The following ZMAT4 variants were observed in gnomAD, a reference collection of about 807,000 sequenced individuals.
ZMAT4 encodes zinc finger matrin-type protein 4.
Under a neutral mutation model 28.7 loss-of-function variants are expected in ZMAT4, and 17 were observed. The ratio of observed to expected loss-of-function variants is 0.59; its 90% CI spans 0.41 to 0.89. ZMAT4 has a LOEUF of 0.89. ZMAT4 is among the 40% of genes least tolerant of loss of function. ZMAT4 has a pLI of 0.00. For synonymous variants in ZMAT4, 117 were observed against 109.2 expected (o/e 1.07, Z -0.44); for missense variants, 240 against 283.8 (o/e 0.85, Z 1.11).
intron 2 of ZMAT4, among the ~76,000 whole-genome samples, chr8:40,780,488 C>T (rs1170979289): frequency 6.6e-6 from 1 of 152,176 alleles, no homozygotes; most frequent in Non-Finnish European, 1.5e-5. Flanking sequence ...ATATCAAATC[C>T]CTTGCTCAAT....
intron 5 of ZMAT4, among the ~76,000 whole-genome samples, chr8:40,656,259 T>C (rs778187637): frequency 5.3e-5 from 8 of 152,136 alleles, no homozygotes; most frequent in Non-Finnish European, 1.2e-4. Flanking sequence ...TACTATGTCA[T>C]ATTCTAGGAT....
Position 40,764,289 on chromosome 8 carries a change from G to A in ZMAT4, c.192+3352C>T, listed in dbSNP as rs187012793. ...GAAAAAAAATGTAAGATCCGAGTAA[G>A]GATTCTAAAGATAAAAGCATGTGAA... On this transcript the variant is annotated intron_variant, in intron 3 of 6. Transcript: ENST00000297737. 1.7e-3 allele frequency among the ~76,000 whole-genome samples: 259 copies of A among 152,230 alleles called. 1 individual carries two copies. The highest frequency in any genetic ancestry group is 2.8e-3 in the Non-Finnish European group (191 of 68,000).
intron 6 of ZMAT4, among the ~76,000 whole-genome samples, chr8:40,544,274 T>G (rs1394291561): frequency 6.6e-5 from 10 of 152,170 alleles, no homozygotes; most frequent in Admixed American, 6.5e-4. Context: ...ACCTGATAAT[T>G]TTGAAAAGTC....
At chr8:40,667,573 A>C (rs1402766435) in intron 5 of ZMAT4, among the ~76,000 whole-genome samples, 1 of 152,100 alleles carries the variant, frequency 6.6e-6, no homozygotes. Context: ...CTCCCCAGTA[A>C]ATTGTGTACT....
At chr8:40,662,118 A>G (rs1226144340) in intron 5 of ZMAT4, among the ~76,000 whole-genome samples, 2 of 150,512 alleles carry the variant, frequency 1.3e-5, no homozygotes, top group African/African-American at 2.4e-5. Context: ...CTGGGACCAC[A>G]GGTGTGCACC....
intron 5 of ZMAT4, among the ~76,000 whole-genome samples, chr8:40,620,695 T>G (rs1806166039): frequency 6.6e-6 from 1 of 152,194 alleles, no homozygotes; most frequent in South Asian, 2.1e-4. Flanking sequence ...GGTCATTTGG[T>G]TTCCTATTGC....
At chr8:40,675,207 A>T (rs1384824454) in intron 4 of ZMAT4, among the ~76,000 whole-genome samples, 1 of 152,200 alleles carries the variant, frequency 6.6e-6, no homozygotes, top group Non-Finnish European at 1.5e-5. Context: ...TAAGATTTTT[A>T]AAAATAAATT....
chr8:40,879,632 A>T (rs549148577), intron 1 of ZMAT4, among the ~76,000 whole-genome samples: 2 of 152,266 alleles, frequency 1.3e-5, no homozygotes, highest in East Asian at 3.9e-4. Flanking sequence ...TCTTTCTGTA[A>T]TTTTTATTAT....
intron 5 of ZMAT4, among the ~76,000 whole-genome samples, chr8:40,628,819 A>G (rs1321370831): frequency 6.6e-6 from 1 of 152,198 alleles, no homozygotes; most frequent in Non-Finnish European, 1.5e-5. Context: ...GGATGAAAAT[A>G]AGAAGTATCC....
intron 2 of ZMAT4, among the ~76,000 whole-genome samples, chr8:40,782,401 AC>A (rs1458754481): frequency 3.3e-5 from 5 of 151,964 alleles, no homozygotes; most frequent in African/African-American, 4.8e-5. Flanking sequence ...AAGCAAACAA[AC>A]AAACAAACAA....
chr8:40,784,177 C>T (rs1813965130), intron 2 of ZMAT4, among the ~76,000 whole-genome samples: 1 of 152,080 alleles, frequency 6.6e-6, no homozygotes, highest in South Asian at 2.1e-4. Context: ...ATGCCAAAAC[C>T]CTTAAGTAAA....
chr8:40,589,201 C>A (rs1804769505), intron 5 of ZMAT4, among the ~76,000 whole-genome samples: 1 of 152,142 alleles, frequency 6.6e-6, no homozygotes, highest in Non-Finnish European at 1.5e-5. Flanking sequence ...CTTTGCAACA[C>A]TCTGGGGTAG....
At chr8:40,832,490 G>A (rs1012016829) in intron 1 of ZMAT4, among the ~76,000 whole-genome samples, 1 of 152,102 alleles carries the variant, frequency 6.6e-6, no homozygotes, top group African/African-American at 2.4e-5. Context: ...GAGTCCTGCT[G>A]GCCCTTCTCC....
At chr8:40,767,487 A>G (rs1050039498) in intron 3 of ZMAT4, among the ~76,000 whole-genome samples, 154 bp downstream of exon 3, 1 of 152,188 alleles carries the variant, frequency 6.6e-6, no homozygotes, top group Non-Finnish European at 1.5e-5. Flanking sequence ...AAAAACCTCG[A>G]TATATATCAT....
At chr8:40,607,060 T>C (rs1805616834) in intron 5 of ZMAT4, among the ~76,000 whole-genome samples, 1 of 151,708 alleles carries the variant, frequency 6.6e-6, no homozygotes, top group Non-Finnish European at 1.5e-5. Context: ...GAAGGTGTGA[T>C]TGTTTTTTAT....
At chr8:40,874,193 A>C (rs1817958507) in intron 1 of ZMAT4, among the ~76,000 whole-genome samples, 2 of 152,164 alleles carry the variant, frequency 1.3e-5, no homozygotes, top group South Asian at 4.1e-4. Flanking sequence ...TCAGCACCCC[A>C]GTGAATGCCT....
At chr8:40,674,568 T>G in intron 5 of ZMAT4, 136 bp downstream of exon 5, 1 of 663,582 alleles carries the variant, frequency 1.5e-6, no homozygotes, top group Non-Finnish European at 2.6e-6. Flanking sequence ...TTTCCTTTCT[T>G]GTCCATTTCT....
chr8:40,532,696 GA>G (rs5891101), intron 6 of ZMAT4, among the ~76,000 whole-genome samples: 145,966 of 151,602 alleles, frequency 0.96, 70,425 homozygotes, highest in East Asian at 1. Flanking sequence ...TAGAAGAATA[GA>G]AAAAAAAAAT....
At chr8:40,780,417 T>TTGAA (rs1278515841) in intron 2 of ZMAT4, among the ~76,000 whole-genome samples, 2 of 152,238 alleles carry the variant, frequency 1.3e-5, no homozygotes, top group African/African-American at 4.8e-5. Context: ...AATTGTTAAG[T>TTGAA]TGAAACATTG....
Sources: gnomAD v4.1 joint callset for allele counts (sites outside exome capture counted in the v4.1 genomes callset) on GRCh38, gnomAD v4.1.1 for gene constraint, MANE v1.5 for transcripts, NCBI Gene and HGNC (gene_info 2026-07-23, HGNC 2026-07-21) for gene names.